Variants in NUP210L observed in about 807,000 individuals in gnomAD.
NUP210L encodes nucleoporin 210 like, also known as nuclear pore membrane glycoprotein 210-like.
In NUP210L, 74 loss-of-function variants were observed where a neutral mutation model predicts 208.5. The observed-to-expected ratio is 0.35, with a 90% CI of 0.29 to 0.43. The LOEUF (loss-of-function observed/expected upper bound fraction) is 0.43. NUP210L is among the 20% of genes least tolerant of loss of function. The probability of loss-of-function intolerance (pLI) is 1.00; values close to 1 mark genes in which losing one functional copy is unlikely to be tolerated. For synonymous variants in NUP210L, 780 were observed against 816.9 expected, an observed-to-expected ratio of 0.95 and a Z score of 0.77; for missense variants, 1,843 against 2,289.4, an observed-to-expected ratio of 0.81 and a Z score of 3.98.
chr1:153,997,010 C>T (rs1237197232), intron 37 of NUP210L, among the ~76,000 whole-genome samples: 1 of 152,030 alleles, frequency 6.6e-6, no homozygotes, highest in Non-Finnish European at 1.5e-5. Flanking sequence ...GTTGCCCAGG[C>T]TGCAGTGCAA....
intron 12 of NUP210L, among the ~76,000 whole-genome samples, chr1:154,113,979 C>A (rs1306068728): frequency 6.6e-6 from 1 of 150,956 alleles, no homozygotes; most frequent in Non-Finnish European, 1.5e-5. Context: ...CCCGTCTCTA[C>A]TAAAAATACA....
At chr1:154,006,279 A>G (rs1650520701) in intron 35 of NUP210L, among the ~76,000 whole-genome samples, 1 of 151,774 alleles carries the variant, frequency 6.6e-6, no homozygotes, top group Non-Finnish European at 1.5e-5. Flanking sequence ...CCTGGGCCCA[A>G]GTGATTTCAT....
At chr1:154,130,548 C>CA (rs1279567563) in intron 7 of NUP210L, among the ~76,000 whole-genome samples, 2 of 150,692 alleles carry the variant, frequency 1.3e-5, no homozygotes, top group East Asian at 4.0e-4. Context: ...GTTGGGATTA[C>CA]AGGCGTGAGC....
At chr1:154,091,501 C>CTTTT (rs772608860) in intron 15 of NUP210L, among the ~76,000 whole-genome samples, 1 of 124,634 alleles carries the variant, frequency 8.0e-6, no homozygotes, top group Admixed American at 8.0e-5. Context: ...CTTTTCTTTT[C>CTTTT]TTTTTTTTTT....
At chr1:154,073,409 G>A (rs893524148) in intron 16 of NUP210L, among the ~76,000 whole-genome samples, 5 of 151,950 alleles carry the variant, frequency 3.3e-5, no homozygotes, top group African/African-American at 7.3e-5. Context: ...ACCTGTAGTC[G>A]CAGCTACTTG....
chr1:154,080,862 T>C (rs1280183407), intron 16 of NUP210L, among the ~76,000 whole-genome samples: 1 of 151,040 alleles, frequency 6.6e-6, no homozygotes, highest in Non-Finnish European at 1.5e-5. Context: ...GATTCCCAGC[T>C]ACTCAGGAGG....
intron 3 of NUP210L, among the ~76,000 whole-genome samples, chr1:154,143,132 G>A (rs577353105): frequency 4.6e-5 from 7 of 150,696 alleles, no homozygotes; most frequent in South Asian, 2.1e-4. Context: ...AGGTTGCAGT[G>A]AGCCAAGATC....
intron 25 of NUP210L, among the ~76,000 whole-genome samples, chr1:154,052,218 A>C (rs1383194137): frequency 6.6e-6 from 1 of 152,216 alleles, no homozygotes; most frequent in Non-Finnish European, 1.5e-5. Context: ...TAAAATAATA[A>C]CTTGGGGTAG....
chr1:154,102,204 T>A (rs1656507450), intron 13 of NUP210L, among the ~76,000 whole-genome samples: 1 of 152,110 alleles, frequency 6.6e-6, no homozygotes, highest in Non-Finnish European at 1.5e-5. Flanking sequence ...AAGTAGTTAA[T>A]TTAGCTAGAA....
chr1:154,100,245 T>C, intron 13 of NUP210L, 102 bp from the exon 14 acceptor site: 1 of 1,009,582 alleles, frequency 9.9e-7, no homozygotes, highest in East Asian at 2.4e-5. Flanking sequence ...AGCTCCGAAG[T>C]TTAAGACCCG....
intron 16 of NUP210L, among the ~76,000 whole-genome samples, chr1:154,072,414 G>C (rs1168380743): frequency 7.8e-6 from 1 of 127,688 alleles, no homozygotes. Context: ...CTCACTGCAA[G>C]CTCCACCTCC....
chr1:154,051,266 G>C (rs981873034), intron 25 of NUP210L, among the ~76,000 whole-genome samples: 1 of 152,048 alleles, frequency 6.6e-6, no homozygotes, highest in Non-Finnish European at 1.5e-5. Context: ...CTGGAGTGCA[G>C]TGGCGTGATC....
chr1:154,087,727 A>G (rs1021928714), intron 16 of NUP210L, among the ~76,000 whole-genome samples: 1 of 152,236 alleles, frequency 6.6e-6, no homozygotes, highest in African/African-American at 2.4e-5. Context: ...AAAATGTAGT[A>G]TATCTACACA....
In NUP210L at chr1:154,046,028, C is replaced by G. The variant is rs747643070; in HGVS notation, c.3696+41G>C. 5.8e-6 allele frequency: 9 copies of G among 1,544,030 alleles called. No individual in the cohort carries two copies. In the South Asian group the frequency reaches 1.1e-4, roughly 19 times the overall value. On this transcript the variant is annotated intron_variant, in intron 27 of 39. Transcript: ENST00000368559. ...TGATAAATTAAAATAAATTTAATAT[C>G]AAGATCCCTAAGATAACACAATAAA...
At chr1:154,078,003 T>C (rs1437314887) in intron 16 of NUP210L, among the ~76,000 whole-genome samples, 1 of 150,538 alleles carries the variant, frequency 6.6e-6, no homozygotes, top group African/African-American at 2.4e-5. Flanking sequence ...AAGAAAAAAA[T>C]ATTTATAAAG....
intron 3 of NUP210L, 86 bp downstream of exon 3, chr1:154,143,360 A>G: frequency 8.7e-7 from 1 of 1,153,970 alleles, no homozygotes; most frequent in Non-Finnish European, 1.2e-6. Context: ...TACTTTTGCC[A>G]CTCAAGTTTT....
intron 6 of NUP210L, among the ~76,000 whole-genome samples, chr1:154,136,845 G>T (rs1658571411): frequency 6.8e-6 from 1 of 147,318 alleles, no homozygotes; most frequent in Admixed American, 7.1e-5. Flanking sequence ...GTTTGAACCT[G>T]GGAGGCAGAG....
intron 10 of NUP210L, among the ~76,000 whole-genome samples, chr1:154,125,219 G>A (rs1480143680): frequency 6.6e-6 from 1 of 152,014 alleles, no homozygotes; most frequent in East Asian, 1.9e-4. Context: ...GGAGGGTGAG[G>A]CGGGTGAATC....
chr1:154,087,085 C>T (rs976507153), intron 16 of NUP210L, among the ~76,000 whole-genome samples: 2 of 151,902 alleles, frequency 1.3e-5, no homozygotes, highest in Non-Finnish European at 2.9e-5. Flanking sequence ...TTTGGGAGGC[C>T]GAGGCGGGTG....
Sources: gnomAD v4.1 joint callset for allele counts (sites outside exome capture counted in the v4.1 genomes callset) on GRCh38, gnomAD v4.1.1 for gene constraint, MANE v1.5 for transcripts, NCBI Gene and HGNC (gene_info 2026-07-23, HGNC 2026-07-21) for gene names.